The following MATCAP2 variants were observed in gnomAD, a reference collection of about 807,000 sequenced individuals.
MATCAP2 encodes the protein microtubule associated tyrosine carboxypeptidase 2.
the MATCAP2 span, among the ~76,000 whole-genome samples, chr7:36,374,702 C>T: frequency 6.6e-6 from 1 of 152,302 alleles, no homozygotes; most frequent in East Asian, 1.9e-4. Flanking sequence ...CCCAACTCCA[C>T]AACAGGCCCC....
the MATCAP2 span, among the ~76,000 whole-genome samples, chr7:36,362,750 C>T: frequency 6.6e-6 from 1 of 152,234 alleles, no homozygotes; most frequent in African/African-American, 2.4e-5. Context: ...TCACATGCTG[C>T]TCCCTGTGTC....
At chr7:36,367,075 G>T in the MATCAP2 span, 1 of 1,271,714 alleles carries the variant, frequency 7.9e-7, no homozygotes, top group African/African-American at 1.6e-5. Context: ...GCTACCTGGA[G>T]CAGGATAAGG....
the MATCAP2 span, among the ~76,000 whole-genome samples, chr7:36,331,251 G>A: frequency 2.6e-5 from 4 of 152,136 alleles, no homozygotes; most frequent in African/African-American, 7.2e-5. Context: ...GTCAGGTCTT[G>A]GGAAGTGCCA....
chr7:36,344,894 C>T, the MATCAP2 span, among the ~76,000 whole-genome samples: 7 of 152,082 alleles, frequency 4.6e-5, no homozygotes, highest in African/African-American at 1.4e-4. Context: ...CTAAGAATAG[C>T]GACATAAGTA....
the MATCAP2 span, among the ~76,000 whole-genome samples, chr7:36,389,617 G>T: frequency 6.6e-6 from 1 of 152,236 alleles, no homozygotes; most frequent in African/African-American, 2.4e-5. Context: ...GGAATGTGTG[G>T]TTGTTGGGGG....
the MATCAP2 span, among the ~76,000 whole-genome samples, chr7:36,360,428 C>T: frequency 6.6e-6 from 1 of 152,164 alleles, no homozygotes; most frequent in Non-Finnish European, 1.5e-5. Flanking sequence ...TTTCAGTTCA[C>T]TTGCTAATTA....
the MATCAP2 span, among the ~76,000 whole-genome samples, chr7:36,341,133 C>T: frequency 6.6e-6 from 1 of 152,096 alleles, no homozygotes; most frequent in Non-Finnish European, 1.5e-5. Context: ...GGTAGTTTAT[C>T]CGCTCCCCCT....
the MATCAP2 span, among the ~76,000 whole-genome samples, chr7:36,347,911 C>A: frequency 6.6e-6 from 1 of 152,116 alleles, no homozygotes; most frequent in Non-Finnish European, 1.5e-5. Context: ...CCAGTGTTTT[C>A]CAGACTTTCT....
At chr7:36,350,079 C>T in the MATCAP2 span, among the ~76,000 whole-genome samples, 2 of 152,198 alleles carry the variant, frequency 1.3e-5, no homozygotes, top group South Asian at 2.1e-4. Context: ...AGAAGGCTTA[C>T]TTTTTCCTCC....
the MATCAP2 span, among the ~76,000 whole-genome samples, chr7:36,375,449 T>C: frequency 6.6e-6 from 1 of 152,202 alleles, no homozygotes; most frequent in East Asian, 1.9e-4. Context: ...CAACTTCATC[T>C]TGGTGGATAA....
the MATCAP2 span, among the ~76,000 whole-genome samples, chr7:36,360,372 T>C: frequency 2.0e-5 from 3 of 152,046 alleles, no homozygotes; most frequent in African/African-American, 7.2e-5. Flanking sequence ...GGCAGCGGGG[T>C]GACAGTATAT....
the MATCAP2 span, among the ~76,000 whole-genome samples, chr7:36,383,044 A>G: frequency 1.3e-5 from 2 of 152,352 alleles, no homozygotes; most frequent in Non-Finnish European, 2.9e-5. Context: ...TGGAAACAAT[A>G]TAATATGTTC....
chr7:36,390,148 G>A, the MATCAP2 span: 12 of 1,587,002 alleles, frequency 7.6e-6, no homozygotes, highest in South Asian at 1.1e-5. Context: ...CGGAGGGCGC[G>A]TGTGTGCGCG....
the MATCAP2 span, among the ~76,000 whole-genome samples, chr7:36,344,592 C>G: frequency 6.6e-6 from 1 of 152,138 alleles, no homozygotes; most frequent in African/African-American, 2.4e-5. Flanking sequence ...AATCTCCTGG[C>G]CTTTCTATTC....
chr7:36,376,215 C>T, the MATCAP2 span, among the ~76,000 whole-genome samples: 2 of 152,188 alleles, frequency 1.3e-5, no homozygotes, highest in African/African-American at 2.4e-5. Context: ...CCTGCTTTCT[C>T]TTGTGGGCAT....
chr7:36,373,925 C>T, the MATCAP2 span, among the ~76,000 whole-genome samples: 11 of 152,090 alleles, frequency 7.2e-5, no homozygotes, highest in Non-Finnish European at 1.5e-4. Flanking sequence ...GCTGGGACTA[C>T]AGGTGCCAGC....
the MATCAP2 span, chr7:36,367,266 GC>G: frequency 9.4e-7 from 1 of 1,061,302 alleles, no homozygotes; most frequent in Non-Finnish European, 1.1e-6. Flanking sequence ...CGCGCGCTGC[GC>G]TTCACGGAGC....
At chr7:36,374,477 T>C in the MATCAP2 span, among the ~76,000 whole-genome samples, 1 of 152,158 alleles carries the variant, frequency 6.6e-6, no homozygotes, top group Non-Finnish European at 1.5e-5. Context: ...ATCTTGAACG[T>C]TTTTACGTTC....
At chr7:36,371,710 A>G in the MATCAP2 span, among the ~76,000 whole-genome samples, 12 of 152,216 alleles carry the variant, frequency 7.9e-5, no homozygotes, top group Non-Finnish European at 1.6e-4. Flanking sequence ...CAAGGCTGCC[A>G]GAAAGTGTTG....
Sources: allele counts gnomAD v4.1 joint callset (sites outside exome capture counted in the v4.1 genomes callset), GRCh38; gene constraint gnomAD v4.1.1; transcripts MANE v1.5; gene names NCBI Gene and HGNC (gene_info 2026-07-23, HGNC 2026-07-21).